BDH1: variants seen among roughly 807,000 people sequenced by gnomAD.
BDH1 encodes the protein 3-hydroxybutyrate dehydrogenase 1.
Under a neutral mutation model 33.1 loss-of-function variants are expected in BDH1, and 30 were observed. The observed-to-expected ratio is 0.91, with a 90% CI of 0.68 to 1.23. The LOEUF is 1.23. BDH1 is among the 50% of genes most tolerant of loss of function. BDH1 has a pLI of 0.00. For synonymous variants in BDH1, 190 were observed against 183.6 expected, an observed-to-expected ratio of 1.03 and a Z score of -0.28; for missense variants, 443 against 464.4, an observed-to-expected ratio of 0.95 and a Z score of 0.42.
At chr3:197,538,405 G>A in intron 3 of BDH1, 1 of 454,206 alleles carries the variant, frequency 2.2e-6, no homozygotes, top group Non-Finnish European at 4.4e-6. Context: ...AGGCTGGAGT[G>A]CAGTGACACG....
At chr3:197,534,937 C>T (rs531968507) in intron 3 of BDH1, among the ~76,000 whole-genome samples, 5 of 152,156 alleles carry the variant, frequency 3.3e-5, no homozygotes, top group Admixed American at 6.5e-5. Context: ...GACTTATATT[C>T]CTTACAGTTC....
intron 1 of BDH1, among the ~76,000 whole-genome samples, chr3:197,571,714 C>T (rs2686109): frequency 0.99 from 150,270 of 152,318 alleles, 74,142 homozygotes; most frequent in Middle Eastern, 1. Context: ...TATAAATTAC[C>T]CATTCTTGGG....
chr3:197,562,761 A>G (rs1231205719), intron 1 of BDH1, among the ~76,000 whole-genome samples: 1 of 152,148 alleles, frequency 6.6e-6, no homozygotes, highest in African/African-American at 2.4e-5. Context: ...CTTTTAAGAA[A>G]AAAAAAAAGA....
At chr3:197,557,025 A>G (rs960363178), upstream of BDH1, among the ~76,000 whole-genome samples, 2 of 152,238 alleles carry the variant, frequency 1.3e-5, no homozygotes, top group African/African-American at 4.8e-5. The surrounding 1 kb of genome is among the most constrained non-coding windows in gnomAD (Gnocchi z 4.6). Flanking sequence ...AGATAAATGC[A>G]TATCTGATTC....
intron 1 of BDH1, among the ~76,000 whole-genome samples, chr3:197,564,118 G>T (rs1010756559): frequency 1.0e-4 from 11 of 105,894 alleles, no homozygotes; most frequent in Non-Finnish European, 2.0e-4. Flanking sequence ...AAAAAAAAAA[G>T]ACAGTTATAA....
upstream of BDH1, chr3:197,556,063 G>C (rs1411034818): frequency 6.6e-6 from 1 of 152,248 alleles, no homozygotes; most frequent in Non-Finnish European, 1.5e-5. Context: ...TGGGTGCCCG[G>C]CTGGCGCTCC....
At chr3:197,534,966 A>G (rs1224802178) in intron 3 of BDH1, among the ~76,000 whole-genome samples, 2 of 152,202 alleles carry the variant, frequency 1.3e-5, no homozygotes, top group African/African-American at 2.4e-5. Flanking sequence ...GGGGAGTTGA[A>G]GTGCAAAGTG....
intron 3 of BDH1, chr3:197,542,938 A>G: frequency 2.1e-6 from 2 of 950,732 alleles, no homozygotes; most frequent in Non-Finnish European, 2.5e-6. Context: ...GAAGTGGTGC[A>G]GTCTGGCACC....
chr3:197,520,752 G>A lies in BDH1; in HGVS notation c.409+1888C>T, dbSNP rs1713456545. 6.6e-6 allele frequency among the ~76,000 whole-genome samples: 1 copy of A among 152,210 alleles called. No homozygotes were observed. The highest frequency in any genetic ancestry group is 6.5e-5 in the Admixed American group (1 of 15,284). On this transcript the variant is annotated intron_variant, in intron 6 of 7. Coordinates refer to ENST00000392379, the MANE Select transcript of BDH1 (RefSeq NM_203314.3). The surrounding 1 kb of genome is among the most constrained non-coding windows in gnomAD (Gnocchi z 6.0). ...AGCTGCCCAGGGAAGGTGGGAGGGA[G>A]GAGAATTTACCGCCAGGGAAGGGCG...
At chr3:197,568,242 C>G (rs775136748) in intron 1 of BDH1, among the ~76,000 whole-genome samples, 1 of 151,946 alleles carries the variant, frequency 6.6e-6, no homozygotes, top group Non-Finnish European at 1.5e-5. Flanking sequence ...CCAAACCCCA[C>G]AGTCTTCTGT....
intron 4 of BDH1, 149 bp from the exon 5 acceptor site, chr3:197,532,671 C>T: frequency 1.6e-6 from 1 of 624,520 alleles, no homozygotes; most frequent in Non-Finnish European, 2.9e-6. Flanking sequence ...TCTGGAGAAG[C>T]ACCATGGTAT....
chr3:197,546,187 C>T (rs1716063676), intron 3 of BDH1, 174 bp downstream of exon 3: 1 of 596,598 alleles, frequency 1.7e-6, no homozygotes, highest in Non-Finnish European at 3.0e-6. Flanking sequence ...GCCCTGTGTG[C>T]CCTGGGAAAA....
In BDH1 at chr3:197,554,178, C is replaced by T. The variant is rs376066471; in HGVS notation, c.-44+384G>A. 1.3e-5 allele frequency among the ~76,000 whole-genome samples: 2 copies of T among 152,206 alleles called. No individual in the cohort carries two copies. Among genetic ancestry groups the T allele is most frequent in the African/African-American group, 4.8e-5 (2 of 41,452 alleles). On this transcript the variant is annotated intron_variant, in intron 2 of 7. Transcript: ENST00000392379. This position sits in a 1 kb window ranked among gnomAD's most constrained non-coding sequence, Gnocchi z 4.4. ...TCCTAGCTGGTTCAGATAACTCTCC[C>T]GAGCAGCCTTTTCTAATCCCCTAAT...
chr3:197,546,872 A>C (rs1279264530), intron 2 of BDH1, among the ~76,000 whole-genome samples: 1 of 152,138 alleles, frequency 6.6e-6, no homozygotes, highest in Non-Finnish European at 1.5e-5. Context: ...CTATTCCTCT[A>C]ACCTGCTGAA....
intron 2 of BDH1, among the ~76,000 whole-genome samples, chr3:197,548,239 G>A (rs1716254341): frequency 6.6e-6 from 1 of 152,122 alleles, no homozygotes; most frequent in South Asian, 2.1e-4. Context: ...TGGTTTTATG[G>A]AAGGCACAGG....
Position 197,570,174 on chromosome 3 carries a change from G to C in BDH1, c.-44+3007C>G, listed in dbSNP as rs147013811. ...TAGAGATTTGTGGAACTTTGAACTT[G>C]AGTGAGATGGTTTAGGATATCTGGC... On this transcript the variant is annotated intron_variant, in intron 1 of 6. Coordinates refer to the BDH1 transcript ENST00000358186. Among the ~76,000 whole-genome samples, 81 of 152,346 alleles carry C rather than the reference G, an allele frequency of 5.3e-4. No individual in the cohort carries two copies. The East Asian group carries it at 0.014, about 27-fold the overall frequency.
rs1714004277 is a variant in BDH1, at chr3:197,525,538, A to G, written c.268-2757T>C. 6.6e-6 allele frequency among the ~76,000 whole-genome samples: 1 copy of G among 152,336 alleles called. No homozygotes were observed. Among genetic ancestry groups the G allele is most frequent in the Admixed American group, 6.5e-5 (1 of 15,308 alleles). ...GAAGAGTCTTCTTTCAGAGGAAACT[A>G]GGGGATTAATCTCACTGCCCACGGC... On this transcript the variant is annotated intron_variant, in intron 5 of 7. Transcript: ENST00000392379. This position sits in a 1 kb window ranked among gnomAD's most constrained non-coding sequence, Gnocchi z 4.9.
At chr3:197,550,889 T>G (rs1716512208) in intron 2 of BDH1, among the ~76,000 whole-genome samples, 1 of 152,190 alleles carries the variant, frequency 6.6e-6, no homozygotes, top group Non-Finnish European at 1.5e-5. Context: ...ACCAAATCAA[T>G]AGTAGCTAAA....
rs1713458126 is a variant in BDH1 at position 197,520,761 on chromosome 3, ACCGCC to A, written c.409+1874_409+1878del. Among the ~76,000 whole-genome samples, 1 of 152,150 alleles carries A rather than the reference ACCGCC, an allele frequency of 6.6e-6. No homozygotes were observed. The highest frequency in any genetic ancestry group is 6.5e-5 in the Admixed American group (1 of 15,280). On this transcript the variant is annotated intron_variant, in intron 6 of 7. Transcript: ENST00000392379. This position sits in a 1 kb window ranked among gnomAD's most constrained non-coding sequence, Gnocchi z 6.0. ...GGGAAGGTGGGAGGGAGGAGAATTT[ACCGCC>A]AGGGAAGGGCGAAGCAGGCTGCAGG...
Sources: gnomAD v4.1 joint callset for allele counts (sites outside exome capture counted in the v4.1 genomes callset) on GRCh38, gnomAD v4.1.1 for gene constraint, Gnocchi (gnomAD v3.1) non-coding constraint, MANE v1.5 for transcripts, NCBI Gene and HGNC (gene_info 2026-07-23, HGNC 2026-07-21) for gene names.